The following MYOF variants were observed in gnomAD, a reference collection of about 807,000 sequenced individuals.
The protein encoded by MYOF is myoferlin.
In MYOF, 244 loss-of-function variants were observed where a neutral mutation model predicts 284.2. That is an observed-to-expected ratio of 0.86 (90% confidence interval 0.77 to 0.95). The LOEUF is 0.95. MYOF is among the 40% of genes least tolerant of loss of function. MYOF has a pLI of 0.00. For synonymous variants in MYOF, 904 were observed against 919.7 expected (o/e 0.98, Z 0.31); for missense variants, 2,496 against 2,560.6 (o/e 0.97, Z 0.54).
intron 4 of MYOF, among the ~76,000 whole-genome samples, chr10:93,431,097 C>T (rs1430947840): frequency 1.4e-5 from 2 of 144,564 alleles, no homozygotes; most frequent in East Asian, 2.1e-4. Context: ...GGCATGATCT[C>T]GGCTCACTAC....
At position 93,316,708 on chromosome 10, in the gene MYOF, C is replaced by T. The variant is rs1046279303; in HGVS notation, c.5698+6G>A. 3.1e-6 allele frequency: 5 copies of T among 1,603,708 alleles called. No individual in the cohort carries two copies. The East Asian group carries it at 1.1e-4, about 36-fold the overall frequency. On this transcript the variant is annotated splice_donor_region_variant and intron_variant, in intron 50 of 53. Coordinates refer to ENST00000359263, the MANE Select transcript of MYOF (RefSeq NM_013451.4). ...TTAGAAACAATGATCCAAATGTAAG[C>T]CCTACCCAAGTAGTCATCCAGAGAA...
intron 49 of MYOF, 96 bp from the exon 50 acceptor site, chr10:93,316,909 A>C (rs957847429): frequency 1.1e-6 from 1 of 920,810 alleles, no homozygotes. Flanking sequence ...TCTCCTTTGC[A>C]CCCCCACCCT....
intron 19 of MYOF, among the ~76,000 whole-genome samples, chr10:93,386,857 C>A (rs972137616): frequency 6.6e-6 from 1 of 152,178 alleles, no homozygotes; most frequent in Non-Finnish European, 1.5e-5. Flanking sequence ...AGGGAGAAGG[C>A]CCTGGCTCGC....
At chr10:93,364,323 T>C (rs12241747) in intron 26 of MYOF, among the ~76,000 whole-genome samples, 7,055 of 152,336 alleles carry the variant, frequency 0.046, 388 homozygotes, top group African/African-American at 0.14. Flanking sequence ...AGGTTGCTCC[T>C]TCTCAGTAAT....
rs2056857289 is a variant in MYOF at position 93,460,790 on chromosome 10, GAA to G, written c.89-3855_89-3854del. 2.3e-5 allele frequency among the ~76,000 whole-genome samples: 3 copies of G among 128,518 alleles called. No individual in the cohort carries two copies. In the South Asian group the frequency reaches 7.5e-4, roughly 32 times the overall value. The allele number at this position is 128,518 out of a possible 152,430, so 84.3% of individuals were successfully genotyped here. ...TCCAAAAAAAAAAAAAAAAAAGAAA[GAA>G]AAAGAAAAAAAAAGTGCCACAGGCC... On this transcript the variant is annotated intron_variant, in intron 1 of 53. Transcript: ENST00000359263.
chr10:93,346,935 G>A (rs1017814444), intron 37 of MYOF, among the ~76,000 whole-genome samples: 39 of 152,316 alleles, frequency 2.6e-4, no homozygotes, highest in African/African-American at 9.1e-4. Flanking sequence ...CATCACTGAT[G>A]TGGGAACAGC....
At chr10:93,405,341 C>G (rs1020496223) in intron 7 of MYOF, among the ~76,000 whole-genome samples, 2 of 152,238 alleles carry the variant, frequency 1.3e-5, no homozygotes, top group African/African-American at 4.8e-5. Context: ...AATCTAGGAT[C>G]TATGCAAGAA....
rs746551352 is a variant in MYOF, at chr10:93,307,014, C to T, written c.6148-13G>A. 6.2e-7 allele frequency: 1 copy of T among 1,608,534 alleles called. No homozygotes were observed. Among genetic ancestry groups the T allele is most frequent in the Non-Finnish European group, 8.5e-7 (1 of 1,176,494 alleles). On this transcript the variant is annotated splice_polypyrimidine_tract_variant and intron_variant, in intron 53 of 53. Transcript: ENST00000359263. ...TTGACAAATAGTTCTGGAAAGGAAA[C>T]AAAAACAGTGGTAAAAAAACATGTA... is the stretch of plus-strand genomic sequence containing the variant.
chr10:93,319,235 C>CT (rs1214293608), intron 49 of MYOF, among the ~76,000 whole-genome samples: 1 of 152,232 alleles, frequency 6.6e-6, no homozygotes, highest in Admixed American at 6.5e-5. Context: ...CTGCCACTGT[C>CT]TCCTGGGGAA....
chr10:93,397,354 T>C (rs549673134), intron 14 of MYOF, 34 bp downstream of exon 14: 1 of 1,598,226 alleles, frequency 6.3e-7, no homozygotes, highest in African/African-American at 1.3e-5. Context: ...TAAGTAAGTA[T>C]TCTTACTTTT....
intron 5 of MYOF, among the ~76,000 whole-genome samples, chr10:93,419,892 G>A (rs2134166672): frequency 6.6e-6 from 1 of 152,342 alleles, no homozygotes; most frequent in Middle Eastern, 3.4e-3. Flanking sequence ...AGCACTTTGG[G>A]AGGCCGAGGC....
chr10:93,429,994 G>T (rs1232913557), intron 4 of MYOF, among the ~76,000 whole-genome samples: 5 of 151,342 alleles, frequency 3.3e-5, no homozygotes, highest in Admixed American at 2.6e-4. Flanking sequence ...GAGTGCAGTG[G>T]CGCGATCTTG....
chr10:93,310,308 A>G, intron 52 of MYOF, 141 bp from the exon 53 acceptor site: 1 of 1,183,490 alleles, frequency 8.4e-7, no homozygotes, highest in Non-Finnish European at 1.2e-6. Flanking sequence ...TGACTGAGAA[A>G]GGCTCTTTAA....
intron 41 of MYOF, 32 bp from the exon 42 acceptor site, chr10:93,333,945 C>T (rs1277716454): frequency 1.2e-6 from 2 of 1,601,210 alleles, no homozygotes; most frequent in African/African-American, 2.7e-5. Flanking sequence ...ACTCACAGGG[C>T]CCTGGGTGGC....
At chr10:93,447,936 C>A (rs983621014) in intron 3 of MYOF, among the ~76,000 whole-genome samples, 4 of 152,152 alleles carry the variant, frequency 2.6e-5, no homozygotes, top group Non-Finnish European at 1.5e-5. Flanking sequence ...ACACAGAAAG[C>A]CTGAGTGATC....
rs1390494853 is a variant in MYOF, at chr10:93,408,790, A to G, written c.726T>C (p.Asp242=). The change falls in exon 7 of 54, where the codon GAT becomes GAC. Residue 242 remains aspartate (D), a synonymous_variant. Transcript: ENST00000359263. ...CATGCCCTCTCAACCCCTTTACCTCATCAAAAAAAGGGTTGTTTCCTCTCT... is the reference window on the plus strand; with the variant it reads ...CATGCCCTCTCAACCCCTTTACCTCGTCAAAAAAAGGGTTGTTTCCTCTCT... ...RIKRGNNPFF[D]ELFFYNVNMT... is the part of the protein sequence containing the mutation. The G allele has an allele frequency of 2.5e-6, 4 of 1,613,860 alleles. No homozygotes were observed. Among genetic ancestry groups the G allele is most frequent in the Non-Finnish European group, 2.5e-6 (3 of 1,179,982 alleles).
chr10:93,457,180 C>T (rs866576016), intron 1 of MYOF, among the ~76,000 whole-genome samples: 6 of 152,218 alleles, frequency 3.9e-5, no homozygotes, highest in Non-Finnish European at 2.9e-5. Flanking sequence ...CTGCCCTTCT[C>T]TCACCAAGGC....
intron 5 of MYOF, among the ~76,000 whole-genome samples, chr10:93,425,295 C>T (rs1252398124): frequency 6.6e-6 from 1 of 152,100 alleles, no homozygotes; most frequent in African/African-American, 2.4e-5. Context: ...GGGCCCCTCC[C>T]TTCCTGGGAC....
chr10:93,311,992 G>A (rs1416415720), intron 51 of MYOF, among the ~76,000 whole-genome samples: 1 of 152,180 alleles, frequency 6.6e-6, no homozygotes, highest in Non-Finnish European at 1.5e-5. Flanking sequence ...TGGGGGTGAT[G>A]GGAAGGTTCT....
Sources: allele counts gnomAD v4.1 joint callset (sites outside exome capture counted in the v4.1 genomes callset), GRCh38; gene constraint gnomAD v4.1.1; transcripts MANE v1.5; gene names NCBI Gene and HGNC (gene_info 2026-07-23, HGNC 2026-07-21).